BCAR3: variants seen among roughly 807,000 people sequenced by gnomAD.
The protein encoded by BCAR3 is BCAR3 adaptor protein, NSP family member.
A neutral mutation model predicts 80.1 loss-of-function variants in BCAR3; 37 were observed. That is an observed-to-expected ratio of 0.46 (90% CI 0.36 to 0.61). The LOEUF is 0.61. Among genes scored for constraint, BCAR3 ranks in the 20% least tolerant of loss-of-function variants. The pLI is 0.00. For missense variants in BCAR3, 978 were observed against 1,068.2 expected, an observed-to-expected ratio of 0.92 and a Z score of 1.18; for synonymous variants, 389 against 418.9, an observed-to-expected ratio of 0.93 and a Z score of 0.87.
rs555654904 is a variant in BCAR3 at position 93,614,061 on chromosome 1, C to T, written c.358-21668G>A. 3.9e-4 allele frequency: 568 copies of T among 1,444,182 alleles called. 2 individuals are homozygous for T. The highest frequency in any genetic ancestry group is 3.6e-3 in the South Asian group (242 of 66,392). The allele number at this position is 1,444,182 out of a possible 1,614,324, so 89.5% of individuals were successfully genotyped here. A position where few individuals can be genotyped will look rare whatever the true frequency, so the allele number is the denominator to read the frequency against. On this transcript the variant is annotated intron_variant, in intron 3 of 11. Coordinates refer to ENST00000260502, the MANE Select transcript of BCAR3 (RefSeq NM_003567.4). ...CCCAGAAGTCAGGGAAGTCGGCAGC[C>T]GGGGGAGTGAGTCGGCTCCTTCTCC...
At chr1:93,800,044 T>C (rs759990086) in intron 2 of BCAR3, among the ~76,000 whole-genome samples, 3 of 152,216 alleles carry the variant, frequency 2.0e-5, no homozygotes, top group Non-Finnish European at 2.9e-5. Context: ...TATTAGATTT[T>C]CATGCTGGGA....
intron 2 of BCAR3, among the ~76,000 whole-genome samples, chr1:93,757,931 G>C (rs1651801883): frequency 6.6e-6 from 1 of 152,218 alleles, no homozygotes; most frequent in Non-Finnish European, 1.5e-5. Flanking sequence ...ACACAAGGTT[G>C]AGTAGTGCAA....
chr1:93,671,986 C>G (rs951379876), intron 2 of BCAR3, among the ~76,000 whole-genome samples: 2 of 151,826 alleles, frequency 1.3e-5, no homozygotes, highest in African/African-American at 4.8e-5. Flanking sequence ...TCACTCAGCA[C>G]AATTTTTGAG....
At chr1:93,831,648 C>A (rs754893178) in intron 2 of BCAR3, among the ~76,000 whole-genome samples, 3 of 152,132 alleles carry the variant, frequency 2.0e-5, no homozygotes, top group Non-Finnish European at 4.4e-5. Context: ...CAAGCTCTGA[C>A]TCCTTTGAAT....
At chr1:93,705,004 C>A (rs924733978) in intron 3 of BCAR3, among the ~76,000 whole-genome samples, 2 of 152,154 alleles carry the variant, frequency 1.3e-5, no homozygotes, top group African/African-American at 2.4e-5. Context: ...TTTTGCCAAG[C>A]CTTACCTAGT....
chr1:93,716,781 T>C (rs1650204693), intron 2 of BCAR3, among the ~76,000 whole-genome samples: 1 of 152,228 alleles, frequency 6.6e-6, no homozygotes, highest in African/African-American at 2.4e-5. Context: ...ATTTGTCCAT[T>C]AGCTCCCCTC....
chr1:93,745,665 G>A (rs1208095435), intron 2 of BCAR3, among the ~76,000 whole-genome samples: 4 of 152,208 alleles, frequency 2.6e-5, no homozygotes, highest in African/African-American at 9.7e-5. Context: ...ATAACCAGGT[G>A]TGGGGTGGGG....
chr1:93,781,879 C>T (rs958019450), intron 2 of BCAR3, among the ~76,000 whole-genome samples: 13 of 152,340 alleles, frequency 8.5e-5, no homozygotes, highest in African/African-American at 3.1e-4. Flanking sequence ...GGAATCATAT[C>T]TCTTCAACTT....
chr1:93,844,251 G>A (rs1655063952), intron 2 of BCAR3, among the ~76,000 whole-genome samples: 1 of 152,154 alleles, frequency 6.6e-6, no homozygotes, highest in Admixed American at 6.5e-5. Flanking sequence ...AGGTTGCAGT[G>A]AGCCAAGATC....
intron 2 of BCAR3, among the ~76,000 whole-genome samples, chr1:93,782,695 G>A (rs989807018): frequency 6.6e-6 from 1 of 152,334 alleles, no homozygotes; most frequent in Admixed American, 6.5e-5. Context: ...AGCTGGAAAA[G>A]ATAAAACCCC....
chr1:93,816,629 C>A (rs1487039900), intron 2 of BCAR3, among the ~76,000 whole-genome samples: 3 of 138,088 alleles, frequency 2.2e-5, no homozygotes, highest in African/African-American at 5.4e-5. Context: ...CAAGGTTGCA[C>A]CACTGCATTC....
At chr1:93,767,029 T>TA (rs138339409) in intron 2 of BCAR3, among the ~76,000 whole-genome samples, 17,209 of 150,930 alleles carry the variant, frequency 0.11, 1,323 homozygotes, top group African/African-American at 0.21. Context: ...TGTGACAGAG[T>TA]AAAAAAAAAG....
intron 2 of BCAR3, among the ~76,000 whole-genome samples, chr1:93,770,392 G>A (rs2100741343): frequency 6.6e-6 from 1 of 152,200 alleles, no homozygotes; most frequent in African/African-American, 2.4e-5. Context: ...TTGAATGATT[G>A]CTAAAAATCT....
At chr1:93,703,616 T>G (rs1488079139) in intron 3 of BCAR3, among the ~76,000 whole-genome samples, 1 of 151,908 alleles carries the variant, frequency 6.6e-6, no homozygotes, top group Non-Finnish European at 1.5e-5. Context: ...TCAAATTATA[T>G]ACACATATAA....
intron 3 of BCAR3, among the ~76,000 whole-genome samples, chr1:93,639,065 G>C (rs1675895445): frequency 6.6e-6 from 1 of 152,156 alleles, no homozygotes; most frequent in Non-Finnish European, 1.5e-5. Context: ...AGTCCCAGCA[G>C]GAGGCCAGCC....
chr1:93,722,341 T>C (rs1650434956), intron 2 of BCAR3, among the ~76,000 whole-genome samples: 1 of 152,222 alleles, frequency 6.6e-6, no homozygotes, highest in South Asian at 2.1e-4. Context: ...AAAATAAAAC[T>C]GAGATTAACC....
chr1:93,723,573 T>G (rs1391536210), intron 2 of BCAR3: 1 of 152,294 alleles, frequency 6.6e-6, no homozygotes, highest in Non-Finnish European at 1.5e-5. Flanking sequence ...GGATGGATTC[T>G]GACTTTCCAC....
Position 93,811,735 on chromosome 1 carries a change from AACTT to A in BCAR3, c.-63+33828_-63+33831del, listed in dbSNP as rs1653852777. Among the ~76,000 whole-genome samples the A allele has an allele frequency of 2.6e-5, 4 of 152,310 alleles. 1 individual carries two copies. The South Asian group carries it at 8.3e-4, about 32-fold the overall frequency. ...GGTTCAGAAACCAATGCTGAAAAGAAACTTACTCACTACTTATGCAGTGGCTCCA... is the reference window on the plus strand; with the variant it reads ...GGTTCAGAAACCAATGCTGAAAAGAAACTCACTACTTATGCAGTGGCTCCA... On this transcript the variant is annotated intron_variant, in intron 2 of 13. Coordinates refer to the BCAR3 transcript ENST00000370244.
intron 3 of BCAR3, among the ~76,000 whole-genome samples, chr1:93,641,497 A>T (rs1156570517): frequency 6.6e-6 from 1 of 152,234 alleles, no homozygotes; most frequent in Non-Finnish European, 1.5e-5. Context: ...CTTCTGTAGG[A>T]GGTGACAGAA....
Sources: allele counts gnomAD v4.1 joint callset (sites outside exome capture counted in the v4.1 genomes callset), GRCh38; gene constraint gnomAD v4.1.1; transcripts MANE v1.5; gene names NCBI Gene and HGNC (gene_info 2026-07-23, HGNC 2026-07-21).